DST: variants seen among roughly 807,000 people sequenced by gnomAD.
DST encodes the protein dystonin, also known as bullous pemphigoid antigen.
A neutral mutation model predicts 875.2 loss-of-function variants in DST; 253 were observed. The ratio of observed to expected loss-of-function variants is 0.29; its 90% CI spans 0.26 to 0.32. The LOEUF (loss-of-function observed/expected upper bound fraction) is 0.32. DST is among the 10% of genes least tolerant of loss of function. The pLI, the probability that DST is intolerant of heterozygous loss-of-function variation, is 1.00. For synonymous variants in DST, 3,124 were observed against 3,197.1 expected, an observed-to-expected ratio of 0.98 and a Z score of 0.77; for missense variants, 8,287 against 9,111.6, an observed-to-expected ratio of 0.91 and a Z score of 3.68.
At chr6:56,546,389 T>A (rs536357686) in intron 61 of DST, among the ~76,000 whole-genome samples, 62 of 104,250 alleles carry the variant, frequency 5.9e-4, no homozygotes, top group East Asian at 3.8e-3. Context: ...TATATATATA[T>A]AAATGTCAAA....
At chr6:56,827,818 G>A (rs189111299) in intron 4 of DST, among the ~76,000 whole-genome samples, 2 of 152,246 alleles carry the variant, frequency 1.3e-5, no homozygotes, top group East Asian at 3.9e-4. Context: ...AGACCCAAAT[G>A]ATAAGAAACG....
intron 9 of DST, among the ~76,000 whole-genome samples, chr6:56,683,292 T>C (rs971614139): frequency 2.6e-5 from 4 of 152,150 alleles, no homozygotes; most frequent in African/African-American, 4.8e-5. Flanking sequence ...TCGAATAATA[T>C]TGGGCTTCTA....
intron 74 of DST, among the ~76,000 whole-genome samples, 163 bp from the exon 75 acceptor site, chr6:56,508,918 G>A (rs2096404485): frequency 6.6e-6 from 1 of 152,154 alleles, no homozygotes; most frequent in Admixed American, 6.5e-5. Flanking sequence ...GTGGGTCCAA[G>A]AGTCTATGCC....
intron 72 of DST, among the ~76,000 whole-genome samples, chr6:56,514,882 C>T (rs1256215623): frequency 3.3e-5 from 5 of 152,192 alleles, no homozygotes; most frequent in African/African-American, 7.2e-5. Flanking sequence ...GCTCCTCCTA[C>T]TTTACCCATT....
rs1051821941 is a variant in DST, at chr6:56,700,465, C to T, written c.955-720G>A. Among the ~76,000 whole-genome samples, 7 of 152,072 alleles carry T rather than the reference C, an allele frequency of 4.6e-5. No homozygotes were observed. The East Asian group carries it at 1.3e-3, about 29-fold the overall frequency. On this transcript the variant is annotated intron_variant, in intron 8 of 103. Coordinates refer to ENST00000680361, the MANE Select transcript of DST (RefSeq NM_001374736.1). ...TTTTACCATTAAGTATGAAACTATC[C>T]TAACAATTCTAACAATTTTCTCAAA... is the stretch of plus-strand genomic sequence containing the variant.
rs1454910207 is a variant in DST at position 56,606,083 on chromosome 6, C to T, written c.8545G>A (p.Asp2849Asn). ...LCASILNENS[D>N]ENENINTMIL... ...ATTGTATTAATATTTTCATTTTCAT[C>T]ACTGTTTTCATTTAAAATAGAGGCA... The change falls in exon 40 of 104, where the codon GAT becomes AAT. Residue 2849 changes from aspartate to asparagine, a missense_variant. Transcript: ENST00000680361. 1 of 1,612,786 alleles carries T rather than the reference C, an allele frequency of 6.2e-7. No homozygotes were observed. Among genetic ancestry groups the T allele is most frequent in the Non-Finnish European group, 8.5e-7 (1 of 1,179,252 alleles).
intron 9 of DST, among the ~76,000 whole-genome samples, chr6:56,686,451 T>C (rs2152851148): frequency 1.3e-5 from 2 of 152,376 alleles, no homozygotes; most frequent in South Asian, 4.1e-4. Flanking sequence ...TTTTTTTAAA[T>C]GGTTCCTTCC....
intron 2 of DST, among the ~76,000 whole-genome samples, chr6:56,945,374 A>C (rs1818886145): frequency 6.6e-6 from 1 of 152,196 alleles, no homozygotes; most frequent in South Asian, 2.1e-4. Flanking sequence ...GACAGGATGG[A>C]TGAGGGAGCC....
intron 37 of DST, 111 bp from the exon 38 acceptor site, chr6:56,611,707 T>C (rs2098546747): frequency 1.4e-6 from 1 of 722,996 alleles, no homozygotes; most frequent in Non-Finnish European, 2.3e-6. Context: ...GTCTATTTTC[T>C]GGGTGACCCA....
At chr6:56,657,305 C>T (rs1399344098) in intron 10 of DST, among the ~76,000 whole-genome samples, 1 of 151,910 alleles carries the variant, frequency 6.6e-6, no homozygotes, top group Non-Finnish European at 1.5e-5. Context: ...ATTAAATATA[C>T]AAGAAAAGAA....
At chr6:56,741,492 T>C (rs1405129385) in intron 4 of DST, among the ~76,000 whole-genome samples, 1 of 152,232 alleles carries the variant, frequency 6.6e-6, no homozygotes, top group African/African-American at 2.4e-5. Context: ...TCCACAATGC[T>C]ACAGGAATGA....
At chr6:56,741,953 A>G (rs2099548336) in intron 4 of DST, among the ~76,000 whole-genome samples, 1 of 152,140 alleles carries the variant, frequency 6.6e-6, no homozygotes, top group Non-Finnish European at 1.5e-5. Flanking sequence ...ATTGGGGGGG[A>G]ACAAATAAAT....
chr6:56,784,343 C>G (rs553300437), intron 4 of DST, among the ~76,000 whole-genome samples: 2 of 152,224 alleles, frequency 1.3e-5, no homozygotes, highest in South Asian at 4.1e-4. Flanking sequence ...TCCATTCTCC[C>G]CGTCACTTTC....
At chr6:56,828,488 T>C (rs1193694151) in intron 4 of DST, among the ~76,000 whole-genome samples, 2 of 152,246 alleles carry the variant, frequency 1.3e-5, no homozygotes, top group Admixed American at 6.5e-5. Flanking sequence ...TCACTACTTC[T>C]GTCTTTGCTA....
intron 2 of DST, among the ~76,000 whole-genome samples, chr6:56,909,172 T>A (rs895332452): frequency 1.6e-4 from 25 of 152,222 alleles, no homozygotes; most frequent in African/African-American, 6.0e-4. Context: ...AAAGTACCTA[T>A]GCTGCTGTCA....
Position 56,517,324 on chromosome 6 carries a change from A to T in DST, c.18250-19T>A. The T allele has an allele frequency of 6.2e-7, 1 of 1,601,362 alleles. No homozygotes were observed. Among genetic ancestry groups the T allele is most frequent in the Non-Finnish European group, 8.5e-7 (1 of 1,171,012 alleles). On this transcript the variant is annotated intron_variant, in intron 70 of 103. Transcript: ENST00000680361. The stretch of plus-strand genomic sequence containing the variant: ...TGAATGTCTGTGATTTACCAAAATA[A>T]AGACAAAAAATAAAACAAGAAATTG...
rs184905637 is a variant in DST, at chr6:56,587,979, G to A, written c.12903+4203C>T. On this transcript the variant is annotated intron_variant, in intron 49 of 103. Coordinates refer to ENST00000680361, the MANE Select transcript of DST (RefSeq NM_001374736.1). ...ATCACGCCAAAATGTAAAGACCATC[G>A]AGACTAGGAAGCAACTGCATCAACT... is the stretch of plus-strand genomic sequence containing the variant. 5.7e-3 allele frequency among the ~76,000 whole-genome samples: 867 copies of A among 151,928 alleles called. 6 individuals are homozygous for A. Among genetic ancestry groups the A allele is most frequent in the African/African-American group, 0.02 (822 of 41,438 alleles).
intron 52 of DST, 55 bp from the exon 53 acceptor site, chr6:56,572,321 C>T: frequency 7.8e-7 from 1 of 1,285,876 alleles, no homozygotes; most frequent in Non-Finnish European, 1.1e-6. Flanking sequence ...CTTCAAATGG[C>T]ATTCCATCCA....
chr6:56,694,256 C>G lies in DST; in HGVS notation c.1047+5397G>C, dbSNP rs1047804529. On this transcript the variant is annotated intron_variant, in intron 9 of 103. Transcript: ENST00000680361. ...ATTAGAATAGCATGAAATGGATTTACACATAAGTACAAATCATTTCACTAC... is the reference window on the plus strand; with the variant it reads ...ATTAGAATAGCATGAAATGGATTTAGACATAAGTACAAATCATTTCACTAC... Among the ~76,000 whole-genome samples, 4 of 149,198 alleles carry G rather than the reference C, an allele frequency of 2.7e-5. 1 individual carries two copies. The South Asian group carries it at 8.4e-4, about 31-fold the overall frequency.
Sources: allele counts gnomAD v4.1 joint callset (sites outside exome capture counted in the v4.1 genomes callset), GRCh38; gene constraint gnomAD v4.1.1; transcripts MANE v1.5; gene names NCBI Gene and HGNC (gene_info 2026-07-23, HGNC 2026-07-21).